The following CNTN4 variants were observed in gnomAD, a reference collection of about 807,000 sequenced individuals.
CNTN4 encodes the protein contactin-4.
CNTN4 carries 77 observed loss-of-function variants against 122.5 expected under a neutral mutation model. The ratio of observed to expected loss-of-function variants is 0.63; its 90% CI spans 0.52 to 0.76. The LOEUF is 0.76. Among genes scored for constraint, CNTN4 ranks in the 30% least tolerant of loss-of-function variants. CNTN4 has a pLI of 0.00. For missense variants in CNTN4, 1,256 were observed against 1,259.1 expected, an observed-to-expected ratio of 1.00 and a Z score of 0.04; for synonymous variants, 512 against 447.0, an observed-to-expected ratio of 1.15 and a Z score of -1.83.
At chr3:2,308,846 T>G (rs2042813664) in intron 2 of CNTN4, among the ~76,000 whole-genome samples, 1 of 152,060 alleles carries the variant, frequency 6.6e-6, no homozygotes, top group Non-Finnish European at 1.5e-5. Flanking sequence ...CTCTAAAATG[T>G]AGGAAAAATG....
chr3:2,994,594 C>CATATATATAT (rs35069373), intron 14 of CNTN4, among the ~76,000 whole-genome samples: 3,769 of 144,542 alleles, frequency 0.026, 71 homozygotes, highest in Middle Eastern at 0.048. Context: ...CAGATTTTTT[C>CATATATATAT]ATATATATAT....
intron 3 of CNTN4, among the ~76,000 whole-genome samples, chr3:2,446,523 C>A (rs755806320): frequency 6.6e-6 from 1 of 152,176 alleles, no homozygotes; most frequent in Non-Finnish European, 1.5e-5. Flanking sequence ...CTCCCTGATT[C>A]CTTTCACTCA....
chr3:2,955,692 CTAA>C (rs1205023166), intron 13 of CNTN4, among the ~76,000 whole-genome samples: 1 of 152,128 alleles, frequency 6.6e-6, no homozygotes, highest in African/African-American at 2.4e-5. Flanking sequence ...GTGGAGCCTA[CTAA>C]TATCTCATGG....
intron 4 of CNTN4, among the ~76,000 whole-genome samples, chr3:2,624,700 C>T (rs1006204323): frequency 8.4e-5 from 12 of 143,470 alleles, no homozygotes; most frequent in African/African-American, 1.8e-4. Flanking sequence ...GAAGTGATCT[C>T]GGCACACTGC....
At chr3:2,101,017 A>T (rs944935908) in intron 2 of CNTN4, among the ~76,000 whole-genome samples, 1 of 152,206 alleles carries the variant, frequency 6.6e-6, no homozygotes, top group African/African-American at 2.4e-5. Context: ...GCAGTTTTTT[A>T]AACAACACTT....
At chr3:2,779,323 A>G (rs754039197) in intron 6 of CNTN4, among the ~76,000 whole-genome samples, 2 of 151,888 alleles carry the variant, frequency 1.3e-5, no homozygotes, top group Non-Finnish European at 2.9e-5. Context: ...CTTGAGTGCA[A>G]TGGTGCGATC....
intron 3 of CNTN4, among the ~76,000 whole-genome samples, chr3:2,521,657 A>T (rs1842220): frequency 6.6e-6 from 1 of 151,908 alleles, no homozygotes; most frequent in Non-Finnish European, 1.5e-5. Flanking sequence ...ATTTCACCGT[A>T]TAAAAAGAAA....
intron 13 of CNTN4, among the ~76,000 whole-genome samples, chr3:2,984,070 T>C (rs1694320416): frequency 8.6e-6 from 1 of 116,880 alleles, no homozygotes; most frequent in African/African-American, 3.8e-5. Flanking sequence ...ATGAATAGTA[T>C]AATAGTTTAT....
chr3:2,338,337 T>C (rs1447430613), intron 2 of CNTN4, among the ~76,000 whole-genome samples: 1 of 151,998 alleles, frequency 6.6e-6, no homozygotes, highest in Non-Finnish European at 1.5e-5. Context: ...TTATGGCTAA[T>C]CAAGAAACTA....
intron 4 of CNTN4, among the ~76,000 whole-genome samples, chr3:2,613,671 C>T (rs930084849): frequency 1.3e-5 from 2 of 152,018 alleles, no homozygotes; most frequent in African/African-American, 4.8e-5. Flanking sequence ...CACTATAATT[C>T]ATGAAAAAGA....
chr3:2,500,786 A>G (rs1490241414), intron 3 of CNTN4, among the ~76,000 whole-genome samples: 1 of 152,130 alleles, frequency 6.6e-6, no homozygotes, highest in Non-Finnish European at 1.5e-5. Flanking sequence ...TAAATTCCAC[A>G]TACTGAAATA....
In CNTN4 at chr3:2,656,759, G is replaced by A. The variant is rs897931656; in HGVS notation, c.56-79456G>A. Among the ~76,000 whole-genome samples the A allele has an allele frequency of 2.6e-5, 4 of 152,184 alleles. No individual in the cohort carries two copies. In the East Asian group the frequency reaches 7.7e-4, roughly 29 times the overall value. On this transcript the variant is annotated intron_variant, in intron 4 of 24. Coordinates refer to ENST00000418658, the MANE Select transcript of CNTN4 (RefSeq NM_175607.3). The stretch of plus-strand genomic sequence containing the variant: ...GATGTGTATGAGTCAGCAGCAACTG[G>A]AACTTGGAGGTGGTCTTTAGACCCC...
intron 14 of CNTN4, among the ~76,000 whole-genome samples, chr3:3,025,159 A>G (rs1698623100): frequency 6.6e-6 from 1 of 152,152 alleles, no homozygotes; most frequent in South Asian, 2.1e-4. Flanking sequence ...TATGGGTGTG[A>G]ATGTAGTTTT....
At chr3:2,572,439 T>G (rs1193907067) in intron 4 of CNTN4, among the ~76,000 whole-genome samples, 1 of 152,114 alleles carries the variant, frequency 6.6e-6, no homozygotes, top group Non-Finnish European at 1.5e-5. Flanking sequence ...CTCTATTGCT[T>G]TCTCCATTTT....
At chr3:2,687,592 A>G (rs114282052) in intron 4 of CNTN4, among the ~76,000 whole-genome samples, 1,657 of 152,268 alleles carry the variant, frequency 0.011, 14 homozygotes, top group African/African-American at 0.024. Context: ...GGAGGTTGCA[A>G]TGAGCCAAGA....
chr3:2,904,969 G>A (rs1445953870), intron 12 of CNTN4, among the ~76,000 whole-genome samples: 1 of 152,112 alleles, frequency 6.6e-6, no homozygotes, highest in African/African-American at 2.4e-5. Context: ...AGTGAGAAAA[G>A]CTGCTTAATG....
At chr3:2,898,021 C>A (rs977237095) in intron 10 of CNTN4, among the ~76,000 whole-genome samples, 2 of 152,098 alleles carry the variant, frequency 1.3e-5, no homozygotes, top group African/African-American at 2.4e-5. Flanking sequence ...TAACCCCCCC[C>A]AAATATGGAG....
At chr3:2,924,164 T>G (rs2151358137) in intron 12 of CNTN4, among the ~76,000 whole-genome samples, 1 of 152,256 alleles carries the variant, frequency 6.6e-6, no homozygotes, top group Admixed American at 6.5e-5. Flanking sequence ...CCTCTCCATC[T>G]TTATTTGTTT....
chr3:2,943,229 G>C lies in CNTN4; in HGVS notation c.1358+17450G>C, dbSNP rs578071992. The stretch of plus-strand genomic sequence containing the variant: ...GTCCACAAAGTCAACAACAAAGAAG[G>C]CTGGGTAAAAGCTACAGAGAGTCTC... On this transcript the variant is annotated intron_variant, in intron 13 of 24. Transcript: ENST00000418658. 2.0e-5 allele frequency among the ~76,000 whole-genome samples: 3 copies of C among 152,222 alleles called. No homozygotes were observed. In the East Asian group the frequency reaches 5.8e-4, roughly 29 times the overall value.
Sources: gnomAD v4.1 joint callset for allele counts (sites outside exome capture counted in the v4.1 genomes callset) on GRCh38, gnomAD v4.1.1 for gene constraint, MANE v1.5 for transcripts, NCBI Gene and HGNC (gene_info 2026-07-23, HGNC 2026-07-21) for gene names.